Variants in FRMPD4 observed in about 807,000 individuals in gnomAD.
FRMPD4 encodes FERM and PDZ domain containing 4.
In FRMPD4, 22 loss-of-function variants were observed where a neutral mutation model predicts 94.1. The ratio of observed to expected loss-of-function variants is 0.23; its 90% CI spans 0.17 to 0.33. The LOEUF is 0.33. FRMPD4 is among the 10% of genes least tolerant of loss of function. FRMPD4 has a pLI of 1.00. For missense variants in FRMPD4, 1,111 were observed against 1,339.9 expected, an observed-to-expected ratio of 0.83 and a Z score of 2.67; for synonymous variants, 631 against 548.6, an observed-to-expected ratio of 1.15 and a Z score of -2.10.
chrX:12,379,698 C>A, intron 1 of FRMPD4, among the ~76,000 whole-genome samples: 1 of 97,850 alleles, frequency 1.0e-5, no homozygotes, highest in Non-Finnish European at 2.1e-5. Flanking sequence ...TTTCAGAGGG[C>A]TTTTTCAAAT....
chrX:12,690,375 G>A lies in FRMPD4; in HGVS notation c.813+49G>A, dbSNP rs373999450. On this transcript the variant is annotated intron_variant, in intron 8 of 16. Transcript: ENST00000675598. ...TGATGAGGCTGCAGGTTAGAGCAGA[G>A]GTTGCCCAGTCCAAGATTTCTCCCC... 6.3e-6 allele frequency: 7 copies of A among 1,116,799 alleles called. No individual in the cohort carries two copies. In the African/African-American group the frequency reaches 1.1e-4, roughly 17 times the overall value. The allele number at this position is 1,116,799 out of a possible 1,213,427, so 92.0% of individuals were successfully genotyped here. A position where few individuals can be genotyped will look rare whatever the true frequency, so the allele number is the denominator to read the frequency against.
chrX:12,464,282 T>C lies in FRMPD4; in HGVS notation c.42-34398T>C, dbSNP rs369615262. Among the ~76,000 whole-genome samples the C allele has an allele frequency of 4.5e-5, 5 of 111,923 alleles. No individual in the cohort carries two copies. The East Asian group carries it at 8.4e-4, about 19-fold the overall frequency. On this transcript the variant is annotated intron_variant, in intron 1 of 16. Coordinates refer to ENST00000675598, the MANE Select transcript of FRMPD4 (RefSeq NM_001368397.1). ...CTTGATGTGAGACTGCCAGTGGACCTAGAACTATCCACCATAGCTACATGA... is the reference window on the plus strand; with the variant it reads ...CTTGATGTGAGACTGCCAGTGGACCCAGAACTATCCACCATAGCTACATGA...
chrX:12,174,536 G>A (rs1375926145), intron 1 of FRMPD4, among the ~76,000 whole-genome samples: 3 of 111,519 alleles, frequency 2.7e-5, no homozygotes, highest in Admixed American at 9.5e-5. Context: ...CATTCCTTGC[G>A]GTCTGGCCCT....
At chrX:12,445,614 C>A in intron 1 of FRMPD4, among the ~76,000 whole-genome samples, 1 of 112,224 alleles carries the variant, frequency 8.9e-6, no homozygotes, top group Non-Finnish European at 1.9e-5. Context: ...TATTTTATAG[C>A]AGATGCAACT....
intron 4 of FRMPD4, among the ~76,000 whole-genome samples, chrX:12,634,698 T>C (rs2059426395): frequency 9.0e-6 from 1 of 111,269 alleles, no homozygotes; most frequent in African/African-American, 3.3e-5. Flanking sequence ...GAACGCTACA[T>C]GTATTATTTT....
At chrX:12,663,743 T>C (rs1202818229) in intron 4 of FRMPD4, among the ~76,000 whole-genome samples, 1 of 112,539 alleles carries the variant, frequency 8.9e-6, no homozygotes, top group Admixed American at 9.4e-5. Flanking sequence ...GTGAAGAAAG[T>C]CAATGGTAAC....
intron 9 of FRMPD4, among the ~76,000 whole-genome samples, chrX:12,700,061 G>A (rs1261872652): frequency 1.8e-5 from 2 of 111,608 alleles, no homozygotes; most frequent in Admixed American, 1.9e-4. Context: ...ACAGGGCAGA[G>A]GGAAAATTAG....
intron 3 of FRMPD4, among the ~76,000 whole-genome samples, chrX:12,116,788 A>C (rs756285417): frequency 1.9e-3 from 216 of 112,292 alleles, no homozygotes; most frequent in Non-Finnish European, 2.5e-3. Flanking sequence ...CTTCTCTGAC[A>C]TAATAGCATT....
In FRMPD4 at chrX:12,607,153, C is replaced by G. The variant is rs766954313; in HGVS notation, c.159-2568C>G. On this transcript the variant is annotated intron_variant, in intron 2 of 16. Coordinates refer to ENST00000675598, the MANE Select transcript of FRMPD4 (RefSeq NM_001368397.1). Reference sequence around the variant, plus strand: ...CTCCTACCCTGGTCACTGGGGCTCACACTGCATTGGTTTTGCTGGCTCACT... The same window carrying G: ...CTCCTACCCTGGTCACTGGGGCTCAGACTGCATTGGTTTTGCTGGCTCACT... Among the ~76,000 whole-genome samples, 21 of 111,529 alleles carry G rather than the reference C, an allele frequency of 1.9e-4. No homozygotes were observed. The South Asian group carries it at 8.1e-3, about 43-fold the overall frequency.
At chrX:12,182,898 A>G (rs1313154051) in intron 1 of FRMPD4, among the ~76,000 whole-genome samples, 3 of 111,369 alleles carry the variant, frequency 2.7e-5, no homozygotes, top group Non-Finnish European at 5.7e-5. Flanking sequence ...GGTGGGGACA[A>G]TTGATTACAG....
intron 2 of FRMPD4, among the ~76,000 whole-genome samples, chrX:12,555,983 C>A (rs887413740): frequency 9.0e-6 from 1 of 110,794 alleles, no homozygotes; most frequent in Non-Finnish European, 1.9e-5. Flanking sequence ...AAGATGCGAT[C>A]ATAGCTAACT....
At chrX:12,341,618 G>A (rs1194681167) in intron 1 of FRMPD4, 1 of 329,944 alleles carries the variant, frequency 3.0e-6, no homozygotes, top group East Asian at 9.7e-5. Flanking sequence ...GCAGTTCAGT[G>A]GCATGAGGTC....
chrX:11,952,918 C>A (rs776718950), intron 3 of FRMPD4, among the ~76,000 whole-genome samples: 2 of 111,651 alleles, frequency 1.8e-5, no homozygotes, highest in African/African-American at 6.5e-5. Flanking sequence ...AGGGTGATGC[C>A]CAGCAAACTG....
rs61220147 is a variant in FRMPD4, at chrX:12,610,747, CA to C, written c.319+881del. 1.1e-3 allele frequency among the ~76,000 whole-genome samples: 94 copies of C among 82,931 alleles called. 1 individual carries two copies. Among genetic ancestry groups the C allele is most frequent in the South Asian group, 8.3e-3 (14 of 1,679 alleles). The allele number at this position is 82,931 out of a possible 115,157, so 72.0% of individuals were successfully genotyped here. On this transcript the variant is annotated intron_variant, in intron 3 of 16. Transcript: ENST00000675598. Reference sequence around the variant, plus strand: ...TGGGCAACAGAGTGAGACCCTGTCTCAAAAAAAAAAAAAAAGAGTTTTCCCC... The same window carrying C: ...TGGGCAACAGAGTGAGACCCTGTCTCAAAAAAAAAAAAAAGAGTTTTCCCC...
At chrX:12,647,285 C>G (rs2059556852) in intron 4 of FRMPD4, among the ~76,000 whole-genome samples, 1 of 111,927 alleles carries the variant, frequency 8.9e-6, no homozygotes, top group African/African-American at 3.2e-5. Context: ...AGATGTGAGA[C>G]CAAAAAGGAA....
intron 2 of FRMPD4, among the ~76,000 whole-genome samples, chrX:12,547,518 C>G (rs1258753140): frequency 1.8e-5 from 2 of 112,119 alleles, no homozygotes; most frequent in Non-Finnish European, 3.8e-5. Flanking sequence ...CATAGCTACT[C>G]CTATTCATGG....
At chrX:12,220,985 A>T (rs1390581869) in intron 1 of FRMPD4, among the ~76,000 whole-genome samples, 2 of 111,872 alleles carry the variant, frequency 1.8e-5, no homozygotes, top group African/African-American at 6.5e-5. Flanking sequence ...TATCAATTTC[A>T]TGGGAATAAG....
upstream of FRMPD4, among the ~76,000 whole-genome samples, chrX:12,136,707 T>C (rs924035061): frequency 1.8e-5 from 2 of 109,790 alleles, no homozygotes; most frequent in Non-Finnish European, 3.8e-5. Flanking sequence ...GGGTAGGGGA[T>C]GAGGAGGGAC....
At chrX:12,567,241 T>G (rs2058722754) in intron 2 of FRMPD4, among the ~76,000 whole-genome samples, 1 of 111,863 alleles carries the variant, frequency 8.9e-6, no homozygotes, top group Admixed American at 9.5e-5. Flanking sequence ...AGCAACAGAT[T>G]TGCACAATAC....
Sources: gnomAD v4.1 joint callset for allele counts (sites outside exome capture counted in the v4.1 genomes callset) on GRCh38, gnomAD v4.1.1 for gene constraint, MANE v1.5 for transcripts, NCBI Gene and HGNC (gene_info 2026-07-23, HGNC 2026-07-21) for gene names.